BAZ2B: variants seen among roughly 807,000 people sequenced by gnomAD.
The protein encoded by BAZ2B is bromodomain adjacent to zinc finger domain protein 2B.
BAZ2B carries 91 observed loss-of-function variants against 246.0 expected under a neutral mutation model. That is an observed-to-expected ratio of 0.37 (90% CI 0.31 to 0.44). BAZ2B has a LOEUF of 0.44. Ranked by LOEUF, BAZ2B falls within the 20% of genes least tolerant of loss-of-function variation. The pLI is 1.00. For synonymous variants in BAZ2B, 855 were observed against 860.0 expected, an observed-to-expected ratio of 0.99 and a Z score of 0.10; for missense variants, 2,332 against 2,533.7, an observed-to-expected ratio of 0.92 and a Z score of 1.71.
At chr2:159,571,188 CA>C (rs1683925953) in intron 1 of BAZ2B, among the ~76,000 whole-genome samples, 1 of 152,098 alleles carries the variant, frequency 6.6e-6, no homozygotes, top group South Asian at 2.1e-4. Context: ...TTTCTGTCTT[CA>C]AATTTCATAA....
chr2:159,650,571 T>C, the BAZ2B span, among the ~76,000 whole-genome samples: 5 of 152,276 alleles, frequency 3.3e-5, no homozygotes, highest in Non-Finnish European at 4.4e-5. Flanking sequence ...ACCTTTTCAG[T>C]GGTTCTTTTC....
rs529417199 is a variant in BAZ2B, at chr2:159,605,942, A to C, written c.-46+10300T>G. 3.3e-5 allele frequency among the ~76,000 whole-genome samples: 5 copies of C among 152,288 alleles called. No individual in the cohort carries two copies. The East Asian group carries it at 7.7e-4, about 23-fold the overall frequency. On this transcript the variant is annotated intron_variant, in intron 1 of 36. Transcript: ENST00000392783. ...GGAAGGGCAAAGAGAGCTTTTATCT[A>C]ACTGTCTAAAGTTATTACATGTTCT...
chr2:159,317,743 G>A (rs2062260659), downstream of BAZ2B, among the ~76,000 whole-genome samples: 1 of 152,124 alleles, frequency 6.6e-6, no homozygotes, highest in South Asian at 2.1e-4. Flanking sequence ...ACAGCAGAGA[G>A]AGTTAGGATA....
At chr2:159,397,495 G>C in intron 18 of BAZ2B, 106 bp from the exon 19 acceptor site, 1 of 628,990 alleles carries the variant, frequency 1.6e-6, no homozygotes, top group Non-Finnish European at 2.6e-6. Context: ...TCATTAGGTT[G>C]AACCATATGA....
At chr2:159,464,227 C>G (rs1048553936) in intron 3 of BAZ2B, 14 of 152,176 alleles carry the variant, frequency 9.2e-5, no homozygotes, top group African/African-American at 3.1e-4. Flanking sequence ...AATGTCACTT[C>G]TCTGTCCCAA....
At chr2:159,546,167 A>G (rs768593715) in intron 2 of BAZ2B, among the ~76,000 whole-genome samples, 1 of 152,018 alleles carries the variant, frequency 6.6e-6, no homozygotes, top group Non-Finnish European at 1.5e-5. Flanking sequence ...CCCTGTCCAA[A>G]TCTCATCTTG....
chr2:159,348,979 T>C (rs367766602), intron 29 of BAZ2B, 28 bp downstream of exon 29: 4 of 1,606,782 alleles, frequency 2.5e-6, no homozygotes, highest in Non-Finnish European at 2.6e-6. Flanking sequence ...ATTGAGTAAG[T>C]GGCTGTAAAC....
At chr2:159,391,470 A>T (rs556171497) in intron 20 of BAZ2B, among the ~76,000 whole-genome samples, 1 of 152,284 alleles carries the variant, frequency 6.6e-6, no homozygotes, top group East Asian at 1.9e-4. Context: ...TGTCCATAAC[A>T]GCAATTATAA....
the BAZ2B span, among the ~76,000 whole-genome samples, chr2:159,658,471 C>T: frequency 1.3e-5 from 2 of 152,020 alleles, no homozygotes; most frequent in Admixed American, 1.3e-4. Flanking sequence ...GTATGCAGAA[C>T]CACAAGCGTG....
At chr2:159,429,284 A>G in intron 10 of BAZ2B, 24 bp from the exon 11 acceptor site, 1 of 1,392,718 alleles carries the variant, frequency 7.2e-7, no homozygotes, top group Non-Finnish European at 9.8e-7. Context: ...CAATTGGTTA[A>G]TATAAAACAT....
At chr2:159,583,900 T>C (rs1417008140) in intron 1 of BAZ2B, among the ~76,000 whole-genome samples, 1 of 152,072 alleles carries the variant, frequency 6.6e-6, no homozygotes, top group East Asian at 1.9e-4. Context: ...GAATAGCAAA[T>C]ACAAATAGCT....
the BAZ2B span, among the ~76,000 whole-genome samples, chr2:159,704,346 A>ATC: frequency 6.6e-6 from 1 of 152,218 alleles, no homozygotes. Context: ...AGTTAACATC[A>ATC]TTCCCAGGCA....
At chr2:159,659,110 A>C in the BAZ2B span, among the ~76,000 whole-genome samples, 1 of 152,158 alleles carries the variant, frequency 6.6e-6, no homozygotes, top group African/African-American at 2.4e-5. Flanking sequence ...TTTCTGGAAG[A>C]GATTGTAGAG....
intron 3 of BAZ2B, among the ~76,000 whole-genome samples, chr2:159,474,186 G>A (rs2078200995): frequency 6.6e-6 from 1 of 152,126 alleles, no homozygotes. Flanking sequence ...TACTGTGTGG[G>A]AGTCTAATTC....
chr2:159,465,185 G>GT (rs2076891759), intron 3 of BAZ2B, among the ~76,000 whole-genome samples: 1 of 152,188 alleles, frequency 6.6e-6, no homozygotes, highest in Non-Finnish European at 1.5e-5. Flanking sequence ...TTGTCTCCTA[G>GT]TTTCTTATAA....
chr2:159,621,764 G>C, the BAZ2B span, among the ~76,000 whole-genome samples: 1 of 152,106 alleles, frequency 6.6e-6, no homozygotes, highest in East Asian at 1.9e-4. Flanking sequence ...TTGAGCTTGG[G>C]ACCAGCCTGG....
chr2:159,524,543 T>C (rs2084520462), intron 2 of BAZ2B, among the ~76,000 whole-genome samples: 1 of 151,994 alleles, frequency 6.6e-6, no homozygotes, highest in African/African-American at 2.4e-5. Context: ...GCCAAGATAT[T>C]TCAATAGAAC....
chr2:159,518,802 C>G (rs1216925928), intron 2 of BAZ2B, among the ~76,000 whole-genome samples: 1 of 152,114 alleles, frequency 6.6e-6, no homozygotes, highest in Non-Finnish European at 1.5e-5. Flanking sequence ...TTGCACAAGT[C>G]TATGATGTGG....
Position 159,383,806 on chromosome 2 carries a change from C to T in BAZ2B, c.3687-126G>A. The T allele has an allele frequency of 5.4e-6, 4 of 742,122 alleles. No homozygotes were observed. The East Asian group carries it at 1.1e-4, about 21-fold the overall frequency. The allele number at this position is 742,122 out of a possible 1,614,324, so 46.0% of individuals were successfully genotyped here. A position where few individuals can be genotyped will look rare whatever the true frequency, so the allele number is the denominator to read the frequency against. Reference sequence around the variant, plus strand: ...GAATAAGTAAAAATGATACAACTGACCTCATGCATATACACGTTCATATAT... The same window carrying T: ...GAATAAGTAAAAATGATACAACTGATCTCATGCATATACACGTTCATATAT... On this transcript the variant is annotated intron_variant, in intron 23 of 36. Coordinates refer to ENST00000392783, the MANE Select transcript of BAZ2B (RefSeq NM_013450.4).
Sources: allele counts gnomAD v4.1 joint callset (sites outside exome capture counted in the v4.1 genomes callset), GRCh38; gene constraint gnomAD v4.1.1; transcripts MANE v1.5; gene names NCBI Gene and HGNC (gene_info 2026-07-23, HGNC 2026-07-21).